Variants in ADAMTSL3 observed in about 807,000 individuals in gnomAD.
ADAMTSL3 encodes ADAMTS-like protein 3.
A neutral mutation model predicts 201.7 loss-of-function variants in ADAMTSL3; 128 were observed. That is an observed-to-expected ratio of 0.63 (90% CI 0.55 to 0.73). The LOEUF is 0.73. ADAMTSL3 is among the 30% of genes least tolerant of loss of function. ADAMTSL3 has a pLI of 0.00. For synonymous variants in ADAMTSL3, 738 were observed against 748.4 expected (o/e 0.99, Z 0.23); for missense variants, 1,990 against 2,119.6 (o/e 0.94, Z 1.20).
intron 3 of ADAMTSL3, among the ~76,000 whole-genome samples, chr15:83,732,935 G>A (rs1299202476): frequency 6.6e-6 from 1 of 152,068 alleles, no homozygotes; most frequent in Non-Finnish European, 1.5e-5. Context: ...ATGACATTTG[G>A]TTCATTAGAA....
intron 12 of ADAMTSL3, among the ~76,000 whole-genome samples, chr15:83,891,989 C>T (rs1408099469): frequency 8.6e-5 from 13 of 150,928 alleles, no homozygotes; most frequent in East Asian, 2.0e-4. Context: ...CTAAGGCAGG[C>T]GGATCACTTG....
At chr15:83,853,308 C>G (rs565699957) in intron 7 of ADAMTSL3, among the ~76,000 whole-genome samples, 57 of 152,060 alleles carry the variant, frequency 3.7e-4, no homozygotes, top group Non-Finnish European at 7.1e-4. Flanking sequence ...TTCTTGATTT[C>G]CAATGTTTAG....
At chr15:83,718,596 C>T (rs945097346) in intron 3 of ADAMTSL3, among the ~76,000 whole-genome samples, 2 of 151,034 alleles carry the variant, frequency 1.3e-5, no homozygotes, top group Non-Finnish European at 1.5e-5. Context: ...ATCCCAGCTA[C>T]ACAAGAACTG....
intron 6 of ADAMTSL3, among the ~76,000 whole-genome samples, chr15:83,820,869 G>A (rs2063852211): frequency 1.3e-5 from 2 of 152,154 alleles, no homozygotes; most frequent in Admixed American, 6.5e-5. Flanking sequence ...GAGGTCAGGA[G>A]ATCAAGACCA....
intron 2 of ADAMTSL3, among the ~76,000 whole-genome samples, chr15:83,685,891 A>G (rs905895853): frequency 2.0e-5 from 3 of 152,230 alleles, no homozygotes; most frequent in Admixed American, 2.0e-4. Flanking sequence ...GAGGACAGCA[A>G]AATGAAAGTG....
At chr15:83,717,287 A>G (rs914007892) in intron 3 of ADAMTSL3, 2 of 152,220 alleles carry the variant, frequency 1.3e-5, no homozygotes, top group Non-Finnish European at 2.9e-5. Flanking sequence ...TGCAATTTCA[A>G]TCTTGAAACT....
At position 83,655,793 on chromosome 15, in the gene ADAMTSL3, T is replaced by G; in HGVS notation, c.32T>G (p.Leu11Arg). ...TCCTGGACGAGCCCCTGGTGGGTGC[T>G]GATAGGGATGGTCTTCATGCACTCT... The part of the protein sequence containing the change: MASWTSPWWV[L>R]IGMVFMHSPL... The change falls in exon 2 of 30, where the codon CTG becomes CGG. Residue 11 changes from leucine (L) to arginine (R), a missense_variant. Leu to Arg is a moderately radical substitution (Grantham distance 102). Transcript: ENST00000286744. 6.2e-7 allele frequency: 1 copy of G among 1,614,074 alleles called. No homozygotes were observed. The highest frequency in any genetic ancestry group is 8.5e-7 in the Non-Finnish European group (1 of 1,179,990).
intron 4 of ADAMTSL3, among the ~76,000 whole-genome samples, chr15:83,782,979 A>G (rs915019002): frequency 6.1e-5 from 9 of 148,000 alleles, no homozygotes; most frequent in Non-Finnish European, 1.2e-4. Context: ...TATTATATAT[A>G]TACATATTAT....
At chr15:83,916,597 A>G (rs1197346317) in intron 16 of ADAMTSL3, among the ~76,000 whole-genome samples, 1 of 152,128 alleles carries the variant, frequency 6.6e-6, no homozygotes, top group Non-Finnish European at 1.5e-5. Context: ...ATAATAAATA[A>G]CCAAAGCCTA....
intron 19 of ADAMTSL3, among the ~76,000 whole-genome samples, chr15:83,960,016 T>C (rs527515821): frequency 3.3e-5 from 5 of 152,340 alleles, no homozygotes; most frequent in Non-Finnish European, 7.3e-5. Flanking sequence ...CATAGTAGTT[T>C]AATAAAAAGC....
chr15:83,954,178 C>A (rs1007308007), intron 19 of ADAMTSL3, among the ~76,000 whole-genome samples: 1 of 152,138 alleles, frequency 6.6e-6, no homozygotes, highest in African/African-American at 2.4e-5. Flanking sequence ...TTTGCCCCTT[C>A]AGGGTTATTT....
chr15:83,969,344 T>A (rs528131288), intron 19 of ADAMTSL3, among the ~76,000 whole-genome samples: 1 of 152,238 alleles, frequency 6.6e-6, no homozygotes, highest in Admixed American at 6.5e-5. Flanking sequence ...CTTGGGAGGC[T>A]GAGGCAGGAG....
Position 83,786,450 on chromosome 15 carries a change from T to C in ADAMTSL3, c.317+12800T>C, listed in dbSNP as rs575278153. On this transcript the variant is annotated intron_variant, in intron 4 of 29. Coordinates refer to ENST00000286744, the MANE Select transcript of ADAMTSL3 (RefSeq NM_207517.3). ...AAGGATTTATCATTTCTTTGTGTTATATACATTCTAATTATACTCTTTTAG... is the reference window on the plus strand; with the variant it reads ...AAGGATTTATCATTTCTTTGTGTTACATACATTCTAATTATACTCTTTTAG... Among the ~76,000 whole-genome samples, 6 of 152,348 alleles carry C rather than the reference T, an allele frequency of 3.9e-5. No individual in the cohort carries two copies. In the East Asian group the frequency reaches 1.2e-3, roughly 29 times the overall value.
rs2064857494 is a variant in ADAMTSL3 at position 83,861,419 on chromosome 15, A to T, written c.802+2579A>T. 2.5e-5 allele frequency: 4 copies of T among 160,842 alleles called. No homozygotes were observed. The Admixed American group carries it at 2.6e-4, about 10-fold the overall frequency. The allele number at this position is 160,842 out of a possible 1,614,324, so 10.0% of individuals were successfully genotyped here. On this transcript the variant is annotated intron_variant, in intron 8 of 29. Transcript: ENST00000286744. ...TCACACGGCCAGGTACTCATCTGAG[A>T]CAAAACTTCCAGAGGAACGATCAGG...
intron 11 of ADAMTSL3, chr15:83,891,079 C>T (rs1358658954): frequency 2.5e-6 from 1 of 405,678 alleles, no homozygotes; most frequent in African/African-American, 2.1e-5. Flanking sequence ...ATACTTTTCT[C>T]CTTTGATTAA....
chr15:83,808,496 G>A (rs189246510), intron 5 of ADAMTSL3, among the ~76,000 whole-genome samples: 6 of 152,302 alleles, frequency 3.9e-5, no homozygotes, highest in African/African-American at 1.4e-4. Context: ...TCCTGAGGAT[G>A]TGGAGAAAAG....
intron 4 of ADAMTSL3, among the ~76,000 whole-genome samples, chr15:83,778,880 C>A (rs2063121770): frequency 6.6e-6 from 1 of 152,158 alleles, no homozygotes; most frequent in Non-Finnish European, 1.5e-5. Flanking sequence ...ACCCATCTCA[C>A]ATGCAGTGAC....
chr15:83,843,564 C>T (rs890174199), intron 7 of ADAMTSL3, among the ~76,000 whole-genome samples: 1 of 152,148 alleles, frequency 6.6e-6, no homozygotes, highest in Non-Finnish European at 1.5e-5. Flanking sequence ...TATAATCATG[C>T]TTTGTGTGAA....
chr15:83,657,886 G>A (rs946828888), intron 2 of ADAMTSL3, among the ~76,000 whole-genome samples: 2 of 152,190 alleles, frequency 1.3e-5, no homozygotes, highest in Non-Finnish European at 2.9e-5. Context: ...TGGGTTGGAT[G>A]CTCTGTTTTT....
Sources: allele counts gnomAD v4.1 joint callset (sites outside exome capture counted in the v4.1 genomes callset), GRCh38; gene constraint gnomAD v4.1.1; transcripts MANE v1.5; gene names NCBI Gene and HGNC (gene_info 2026-07-23, HGNC 2026-07-21).